Variants in MAGED1 observed in about 807,000 individuals in gnomAD.
MAGED1 encodes MAGE family member D1.
Under a neutral mutation model 54.1 loss-of-function variants are expected in MAGED1, and 3 were observed. The observed-to-expected ratio is 0.06, with a 90% CI of 0.03 to 0.14. MAGED1 has a LOEUF of 0.14. MAGED1 is among the 10% of genes least tolerant of loss of function. MAGED1 has a pLI of 1.00. For missense variants in MAGED1, 485 were observed against 623.4 expected (o/e 0.78, Z 2.36); for synonymous variants, 217 against 227.3 (o/e 0.95, Z 0.41).
intron 1 of MAGED1, among the ~76,000 whole-genome samples, chrX:51,841,562 G>T (rs1451163477): frequency 3.6e-5 from 4 of 111,913 alleles, no homozygotes; most frequent in Non-Finnish European, 7.5e-5. Context: ...GGTTTTTATG[G>T]TTTTAGGTCT....
chrX:51,891,366 T>C (rs1281370839), upstream of MAGED1, among the ~76,000 whole-genome samples: 1 of 112,750 alleles, frequency 8.9e-6, no homozygotes, highest in Non-Finnish European at 1.9e-5. Flanking sequence ...TAAGCAATTG[T>C]CCAAGGTGAT....
rs1557363883 is a variant in MAGED1 at position 51,894,360 on chromosome X, C to T, written c.45+11C>T. On this transcript the variant is annotated intron_variant, in intron 2 of 12. Coordinates refer to ENST00000326587, the MANE Select transcript of MAGED1 (RefSeq NM_006986.4). ...CTCCTCGGCTTCCAGGTGAGATCTC[C>T]ACTCCCCACCCCACCATTTCCCCAG... 1 of 1,194,217 alleles carries T rather than the reference C, an allele frequency of 8.4e-7. No individual in the cohort carries two copies. The highest frequency in any genetic ancestry group is 1.1e-6 in the Non-Finnish European group (1 of 884,628).
intron 1 of MAGED1, among the ~76,000 whole-genome samples, chrX:51,815,746 C>T (rs1194244630): frequency 9.1e-6 from 1 of 110,350 alleles, no homozygotes; most frequent in Non-Finnish European, 1.9e-5. Context: ...GTGTCGAATT[C>T]CTGACCTCAG....
At position 51,896,782 on chromosome X, in the gene MAGED1, A is replaced by ATCCACCTGGATGGCAGAC. The variant is rs782461854; in HGVS notation, c.1146_1163dup (p.Thr388_Gln393dup). 8.3e-7 allele frequency: 1 copy of ATCCACCTGGATGGCAGAC among 1,209,803 alleles called. No homozygotes were observed. The highest frequency in any genetic ancestry group is 1.1e-6 in the Non-Finnish European group (1 of 894,486). On this transcript the variant is annotated inframe_insertion, in exon 4 of 13. Coordinates refer to ENST00000326587, the MANE Select transcript of MAGED1 (RefSeq NM_006986.4). ...TGGCCGAATCCACTGGCCTGGCAGA[A>ATCCACCTGGATGGCAGAC]TCCACCTGGATGGCAGACTCCACCT...
intron 1 of MAGED1, among the ~76,000 whole-genome samples, chrX:51,825,026 G>A (rs192569237): frequency 9.1e-6 from 1 of 109,807 alleles, no homozygotes; most frequent in East Asian, 2.8e-4. Context: ...CTTTATATTT[G>A]TAGGGGGCTT....
At chrX:51,876,058 C>T in intron 1 of MAGED1, among the ~76,000 whole-genome samples, 1 of 110,827 alleles carries the variant, frequency 9.0e-6, no homozygotes, top group Non-Finnish European at 1.9e-5. Context: ...GTCACATGAC[C>T]ATAGCTTCAG....
rs1005773945 is a variant in MAGED1 at position 51,895,109 on chromosome X, C to G, written c.102C>G (p.Ile34Met). The change falls in exon 3 of 13, where the codon ATC becomes ATG. Residue 34 changes from isoleucine to methionine, a missense_variant. By Grantham distance (10) the Ile-to-Met change is conservative. Transcript: ENST00000326587. ...ALLMQTLMEA[I>M]QISEAPPTNQ... ...TTATGCAGACCTTGATGGAGGCCAT[C>G]CAGATCTCAGAGGCTCCACCTACTA... 6 of 1,211,894 alleles carry G rather than the reference C, an allele frequency of 5.0e-6. No homozygotes were observed. Among genetic ancestry groups the G allele is most frequent in the Non-Finnish European group, 6.7e-6 (6 of 895,513 alleles).
rs1449529787 is a variant in MAGED1 at position 51,900,100 on chromosome X, T to TA, written c.1845-76dup. On this transcript the variant is annotated intron_variant, in intron 10 of 12. Coordinates refer to ENST00000326587, the MANE Select transcript of MAGED1 (RefSeq NM_006986.4). ...GGGGGAGTTGCTATCTGAAATCTGT[T>TA]AAAAAATGTAAGATTATTTTTCATT... The TA allele has an allele frequency of 2.9e-5, 18 of 622,877 alleles. No homozygotes were observed. In the Admixed American group the frequency reaches 3.3e-4, roughly 11 times the overall value. The allele number at this position is 622,877 out of a possible 1,213,427, so 51.3% of individuals were successfully genotyped here. A position where few individuals can be genotyped will look rare whatever the true frequency, so the allele number is the denominator to read the frequency against.
intron 1 of MAGED1, among the ~76,000 whole-genome samples, chrX:51,876,705 A>G (rs1557362030): frequency 9.0e-6 from 1 of 111,383 alleles, no homozygotes; most frequent in Non-Finnish European, 1.9e-5. Flanking sequence ...GGCCCGTAGG[A>G]TTGTGTTCAG....
At chrX:51,869,200 G>T (rs1462939657) in intron 1 of MAGED1, among the ~76,000 whole-genome samples, 3 of 111,460 alleles carry the variant, frequency 2.7e-5, no homozygotes, top group Non-Finnish European at 3.8e-5. Flanking sequence ...ATGGTGTAGT[G>T]TAGGGATTGA....
At chrX:51,811,691 C>T (rs1000077883) in intron 1 of MAGED1, among the ~76,000 whole-genome samples, 21 of 111,540 alleles carry the variant, frequency 1.9e-4, no homozygotes, top group African/African-American at 6.2e-4. Context: ...TAGATTACTA[C>T]TTTTCATTCT....
At chrX:51,892,930 A>C (rs924273113), upstream of MAGED1, among the ~76,000 whole-genome samples, 5 of 111,278 alleles carry the variant, frequency 4.5e-5, no homozygotes, top group Non-Finnish European at 7.5e-5. Context: ...CAGGAAGACA[A>C]GCCCCAGCAC....
At chrX:51,839,301 G>A (rs999802208) in intron 1 of MAGED1, among the ~76,000 whole-genome samples, 4 of 111,617 alleles carry the variant, frequency 3.6e-5, no homozygotes, top group Non-Finnish European at 5.6e-5. Context: ...AAAGTTACTA[G>A]TGTGTCCACA....
At chrX:51,859,881 G>A (rs782728996) in intron 1 of MAGED1, among the ~76,000 whole-genome samples, 1 of 111,331 alleles carries the variant, frequency 9.0e-6, no homozygotes, top group Non-Finnish European at 1.9e-5. Context: ...GTTGCAGTGA[G>A]CTGAGATCAT....
At chrX:51,897,305 C>T (rs1557364437) in intron 5 of MAGED1, 34 bp downstream of exon 5, 4 of 1,158,028 alleles carry the variant, frequency 3.5e-6, no homozygotes, top group Admixed American at 2.2e-5. Context: ...CAAGCTCTGC[C>T]CTTCCCTTCA....
At position 51,862,032 on chromosome X, in the gene MAGED1, C is replaced by A. The variant is rs181288473; in HGVS notation, c.-36-32237C>A. 7.3e-3 allele frequency among the ~76,000 whole-genome samples: 818 copies of A among 111,882 alleles called. 5 individuals carry two copies. Among genetic ancestry groups the A allele is most frequent in the Non-Finnish European group, 0.013 (676 of 53,169 alleles). ...TCAGAGTATTCAGAATATTTATTTT[C>A]TAGAAATCCCCTTTGTAGAGCCTTC... On this transcript the variant is annotated intron_variant, in intron 1 of 12. Transcript: ENST00000375772.
chrX:51,896,692 A>G lies in MAGED1; in HGVS notation c.1037A>G (p.Asn346Ser). 1 of 1,211,689 alleles carries G rather than the reference A, an allele frequency of 8.3e-7. No individual in the cohort carries two copies. Among genetic ancestry groups the G allele is most frequent in the East Asian group, 3.0e-5 (1 of 33,846 alleles). Residue 346 changes from asparagine (N) to serine (S), a missense_variant, in exon 4 of 13, where the codon AAC becomes AGC. Asn to Ser is a conservative substitution (Grantham distance 46). Coordinates refer to ENST00000326587, the MANE Select transcript of MAGED1 (RefSeq NM_006986.4). Reference protein sequence around the residue: ...VAWQNPVIWPNPVIWQNPVIW... With the variant: ...VAWQNPVIWPSPVIWQNPVIW... ...TGGCAGAACCCAGTGATTTGGCCAA[A>G]CCCAGTAATCTGGCAGAACCCAGTG... is the stretch of plus-strand genomic sequence containing the variant.
At chrX:51,880,616 A>G (rs1557362405) in intron 1 of MAGED1, among the ~76,000 whole-genome samples, 1 of 112,032 alleles carries the variant, frequency 8.9e-6, no homozygotes, top group African/African-American at 3.2e-5. Flanking sequence ...AAACAAATTT[A>G]TCTACTCAAA....
intron 1 of MAGED1, among the ~76,000 whole-genome samples, chrX:51,824,730 G>GTGTC (rs1925774203): frequency 9.7e-6 from 1 of 103,615 alleles, no homozygotes; most frequent in Admixed American, 1.1e-4. Flanking sequence ...GTGTGTGTGT[G>GTGTC]TGTCTGTATA....
Sources: allele counts gnomAD v4.1 joint callset (sites outside exome capture counted in the v4.1 genomes callset), GRCh38; gene constraint gnomAD v4.1.1; transcripts MANE v1.5; gene names NCBI Gene and HGNC (gene_info 2026-07-23, HGNC 2026-07-21).